The following LOC400499 variants were observed in gnomAD, a reference collection of about 807,000 sequenced individuals.
the LOC400499 span, chr16:11,447,995 C>G: frequency 6.5e-7 from 1 of 1,536,126 alleles, no homozygotes; most frequent in Non-Finnish European, 8.7e-7. Flanking sequence ...TCCTCCAGCT[C>G]TCCTTCCAAC....
the LOC400499 span, among the ~76,000 whole-genome samples, chr16:11,523,769 T>G: frequency 6.6e-6 from 1 of 152,078 alleles, no homozygotes; most frequent in South Asian, 2.1e-4. Context: ...GAGTCCAATA[T>G]GTCAGCAAGC....
At chr16:11,493,801 A>G in the LOC400499 span, 1 of 369,110 alleles carries the variant, frequency 2.7e-6, no homozygotes. Flanking sequence ...CTGGAGCTAA[A>G]TCGAGATGGA....
the LOC400499 span, among the ~76,000 whole-genome samples, chr16:11,422,305 G>A: frequency 0.063 from 9,664 of 152,226 alleles, 306 homozygotes; most frequent in Middle Eastern, 0.19. Context: ...GGTGGGCTGA[G>A]GCAGGAGACA....
At chr16:11,387,043 G>A in the LOC400499 span, 88 of 1,179,244 alleles carry the variant, frequency 7.5e-5, no homozygotes, top group Middle Eastern at 2.9e-3. Flanking sequence ...GCCTATGGAG[G>A]CTTCCCTGTG....
At chr16:11,448,542 AC>A in the LOC400499 span, among the ~76,000 whole-genome samples, 237 of 148,424 alleles carry the variant, frequency 1.6e-3, no homozygotes, top group Non-Finnish European at 2.2e-3. Flanking sequence ...AAACAAACAA[AC>A]AAACAAACAA....
chr16:11,386,902 C>G, the LOC400499 span, among the ~76,000 whole-genome samples: 126 of 152,316 alleles, frequency 8.3e-4, no homozygotes, highest in Middle Eastern at 3.4e-3. Context: ...AAGCCCTAAA[C>G]CACCCTCCTC....
chr16:11,492,646 G>T, the LOC400499 span, among the ~76,000 whole-genome samples: 2 of 152,006 alleles, frequency 1.3e-5, no homozygotes, highest in Admixed American at 1.3e-4. Context: ...TTAGCCGGGC[G>T]TGGTGGCGGG....
At chr16:11,492,033 C>G in the LOC400499 span, among the ~76,000 whole-genome samples, 1 of 152,140 alleles carries the variant, frequency 6.6e-6, no homozygotes, top group Non-Finnish European at 1.5e-5. Context: ...GGTTCACTGA[C>G]CTTGCCTAAT....
chr16:11,451,040 C>T, the LOC400499 span, among the ~76,000 whole-genome samples: 1 of 152,302 alleles, frequency 6.6e-6, no homozygotes, highest in African/African-American at 2.4e-5. Context: ...CTCATCCAAT[C>T]GCACCATGGA....
At chr16:11,440,106 G>C in the LOC400499 span, among the ~76,000 whole-genome samples, 1 of 152,032 alleles carries the variant, frequency 6.6e-6, no homozygotes, top group Non-Finnish European at 1.5e-5. Flanking sequence ...GCTCCTCAGA[G>C]ATGGGAACAG....
chr16:11,451,746 G>A, the LOC400499 span, among the ~76,000 whole-genome samples: 9 of 152,144 alleles, frequency 5.9e-5, no homozygotes, highest in African/African-American at 1.9e-4. Flanking sequence ...AAAGGGGCAG[G>A]CAACCCACCC....
the LOC400499 span, among the ~76,000 whole-genome samples, chr16:11,496,888 ATGTGTGTGTGTGTGTGTGTGTGTG>A: frequency 1.4e-5 from 2 of 144,384 alleles, no homozygotes; most frequent in South Asian, 2.4e-4. Context: ...GTATGCCTCA[ATGTGTGTGTGTGTGTGTGTGTGTG>A]TGTGTGTGTG....
chr16:11,394,756 G>C, the LOC400499 span, among the ~76,000 whole-genome samples: 6 of 152,308 alleles, frequency 3.9e-5, no homozygotes, highest in Middle Eastern at 3.4e-3. Flanking sequence ...GCAGAGACTG[G>C]TGTGATGCCA....
At chr16:11,516,090 C>T in the LOC400499 span, 8 of 399,272 alleles carry the variant, frequency 2.0e-5, no homozygotes, top group Admixed American at 4.4e-5. Context: ...GGGGACAGGT[C>T]AACCTTCTGG....
chr16:11,487,068 G>T, the LOC400499 span, among the ~76,000 whole-genome samples: 1 of 151,932 alleles, frequency 6.6e-6, no homozygotes, highest in African/African-American at 2.4e-5. Context: ...GGGAGGGATG[G>T]AGTGATGGAG....
the LOC400499 span, among the ~76,000 whole-genome samples, chr16:11,430,262 G>A: frequency 0.056 from 8,547 of 152,150 alleles, 293 homozygotes; most frequent in Middle Eastern, 0.17. Context: ...GAGGCAGATC[G>A]ATCACTTGAG....
chr16:11,412,543 G>A, the LOC400499 span, among the ~76,000 whole-genome samples: 4 of 152,352 alleles, frequency 2.6e-5, no homozygotes, highest in South Asian at 4.1e-4. Flanking sequence ...AGCACCAAGC[G>A]CCTCACCAGG....
chr16:11,390,565 G>C, the LOC400499 span: 4 of 951,416 alleles, frequency 4.2e-6, no homozygotes, highest in African/African-American at 1.7e-5. Context: ...CCTGTTCCTG[G>C]GATTAAGATG....
the LOC400499 span, among the ~76,000 whole-genome samples, chr16:11,441,381 G>A: frequency 0.017 from 2,517 of 152,252 alleles, 81 homozygotes; most frequent in African/African-American, 0.058. Flanking sequence ...CTAATACTTA[G>A]CACAGGTCCT....
Sources: gnomAD v4.1 joint callset for allele counts (sites outside exome capture counted in the v4.1 genomes callset) on GRCh38, gnomAD v4.1.1 for gene constraint, MANE v1.5 for transcripts.